PHYKPL: variants seen among roughly 807,000 people sequenced by gnomAD.
PHYKPL encodes the protein 5-phosphonooxy-L-lysine phospho-lyase.
In PHYKPL, 42 loss-of-function variants were observed where a neutral mutation model predicts 51.3. The observed-to-expected ratio is 0.82, with a 90% CI of 0.64 to 1.06. The LOEUF (loss-of-function observed/expected upper bound fraction) is 1.06. Among genes scored for constraint, PHYKPL ranks in the 50% least tolerant of loss-of-function variants. The pLI is 0.00. For missense variants in PHYKPL, 655 were observed against 586.6 expected, an observed-to-expected ratio of 1.12 and a Z score of -1.20; for synonymous variants, 264 against 236.0, an observed-to-expected ratio of 1.12 and a Z score of -1.09.
rs2127494372 is a variant in PHYKPL, at chr5:178,230,069, G to A, written c.209C>T (p.Ala70Val). The A allele has an allele frequency of 6.2e-7, 1 of 1,614,118 alleles. No individual in the cohort carries two copies. The highest frequency in any genetic ancestry group is 8.5e-7 in the Non-Finnish European group (1 of 1,180,024). Residue 70 changes from alanine to valine, a missense_variant, in exon 3 of 13, where the codon GCA becomes GTA. Transcript: ENST00000308158. ...GAGCACCTGGTTCTGCTCATGTGCTGCTTGGACCACGAGAGGGTGGCAGTG... is the reference window on the plus strand; with the variant it reads ...GAGCACCTGGTTCTGCTCATGTGCTACTTGGACCACGAGAGGGTGGCAGTG... Reference protein sequence around the residue: ...VGHCHPLVVQAAHEQNQVLNT... With the variant: ...VGHCHPLVVQVAHEQNQVLNT...
At chr5:178,215,454 T>G in intron 8 of PHYKPL, 24 bp from the exon 9 acceptor site, 1 of 1,594,914 alleles carries the variant, frequency 6.3e-7, no homozygotes, top group South Asian at 1.1e-5. Context: ...AAAGAACATG[T>G]CAGATGCCCT....
chr5:178,224,968 G>C, intron 4 of PHYKPL: 2 of 572,652 alleles, frequency 3.5e-6, no homozygotes, highest in Middle Eastern at 4.6e-4. Flanking sequence ...TGTTTTCTCT[G>C]CTGTGAAATG....
chr5:178,221,407 C>T (rs572599300), intron 8 of PHYKPL, among the ~76,000 whole-genome samples: 5 of 152,044 alleles, frequency 3.3e-5, no homozygotes, highest in Admixed American at 6.6e-5. Flanking sequence ...CTCACAGCAC[C>T]GTGAACACAC....
intron 8 of PHYKPL, among the ~76,000 whole-genome samples, chr5:178,217,378 A>T (rs1483420402): frequency 6.6e-6 from 1 of 151,912 alleles, no homozygotes; most frequent in African/African-American, 2.4e-5. Flanking sequence ...ATGCCACCAC[A>T]TCTGGCTAAT....
intron 1 of PHYKPL, chr5:178,231,861 G>A (rs1323903647): frequency 1.5e-6 from 2 of 1,334,466 alleles, no homozygotes; most frequent in East Asian, 5.0e-5. Context: ...CCATAAGGCC[G>A]CGTGTCTTCG....
At chr5:178,210,303 T>TCACCCCTC in intron 12 of PHYKPL, 4 of 1,613,510 alleles carry the variant, frequency 2.5e-6, no homozygotes, top group Non-Finnish European at 3.4e-6. Context: ...CCCCATCCGC[T>TCACCCCTC]CACCCCTCGT....
chr5:178,215,467 C>A, intron 8 of PHYKPL, 37 bp from the exon 9 acceptor site: 1 of 1,582,196 alleles, frequency 6.3e-7, no homozygotes, highest in Admixed American at 1.8e-5. Flanking sequence ...GATGCCCTGG[C>A]AGAGTGGGCC....
intron 1 of PHYKPL, chr5:178,232,288 G>A (rs896803215): frequency 2.2e-5 from 27 of 1,248,318 alleles, no homozygotes; most frequent in Non-Finnish European, 2.7e-5. Flanking sequence ...CGGCCCCGGA[G>A]ACCACCCGCC....
chr5:178,224,564 C>A lies in PHYKPL; in HGVS notation c.502G>T (p.Ala168Ser). 1 of 1,614,188 alleles carries A rather than the reference C, an allele frequency of 6.2e-7. No homozygotes were observed. The highest frequency in any genetic ancestry group is 8.5e-7 in the Non-Finnish European group (1 of 1,180,002). ...LDGQKEWVHV[A>S]PLPDTYRGPY... The stretch of plus-strand genomic sequence containing the variant: ...CCCCGGTAGGTGTCTGGGAGAGGTG[C>A]CTGTGGGGAGTGACAGCGCCATGTT... The change falls in exon 6 of 13, where the codon GCA (alanine) becomes TCA (serine). Residue 168 changes from alanine (A) to serine (S), a missense_variant and splice_region_variant. Physicochemically the swap from Ala to Ser is moderately conservative, Grantham distance 99. Transcript: ENST00000308158.
At chr5:178,212,316 G>A (rs566437510) in intron 11 of PHYKPL, among the ~76,000 whole-genome samples, 6 of 152,248 alleles carry the variant, frequency 3.9e-5, no homozygotes, top group Non-Finnish European at 5.9e-5. Context: ...AAGCATACCT[G>A]TGGGTAGCAG....
At chr5:178,218,486 C>T (rs186828434) in intron 8 of PHYKPL, among the ~76,000 whole-genome samples, 53 of 152,182 alleles carry the variant, frequency 3.5e-4, no homozygotes, top group Non-Finnish European at 6.6e-4. Context: ...TTCATGAATG[C>T]GAATATGGTT....
chr5:178,232,021 C>T, intron 1 of PHYKPL: 8 of 1,202,984 alleles, frequency 6.7e-6, no homozygotes, highest in Non-Finnish European at 8.4e-6. Context: ...CGAGGGCCCC[C>T]TCACAGGTCA....
chr5:178,232,034 T>G, intron 1 of PHYKPL: 2 of 1,197,116 alleles, frequency 1.7e-6, no homozygotes, highest in Non-Finnish European at 2.1e-6. Context: ...ACAGGTCAAG[T>G]GTGCTGCCTG....
chr5:178,217,805 C>A (rs1376209374), intron 8 of PHYKPL, among the ~76,000 whole-genome samples: 1 of 139,160 alleles, frequency 7.2e-6, no homozygotes, highest in East Asian at 2.2e-4. Flanking sequence ...TTGCAGTGAG[C>A]CGAGATCACA....
At chr5:178,208,406 T>A (rs1757210121), downstream of PHYKPL, 1 of 152,202 alleles carries the variant, frequency 6.6e-6, no homozygotes, top group Non-Finnish European at 1.5e-5. Context: ...TTTTTCTCTA[T>A]GTGCCATAAT....
intron 12 of PHYKPL, chr5:178,210,316 C>A: frequency 6.2e-7 from 1 of 1,612,994 alleles, no homozygotes; most frequent in South Asian, 1.1e-5. Context: ...CCCCTCGTCC[C>A]CAGGGGAGGC....
intron 1 of PHYKPL, 111 bp from the exon 2 acceptor site, chr5:178,231,634 A>T (rs527267666): frequency 9.0e-5 from 144 of 1,605,350 alleles, no homozygotes; most frequent in Non-Finnish European, 1.1e-4. Context: ...CGGGGGGGAA[A>T]TGAGAGCTGG....
rs767911398 is a variant in PHYKPL at position 178,229,984 on chromosome 5, C to A, written c.294G>T (p.Glu98Asp). 6.2e-7 allele frequency: 1 copy of A among 1,614,114 alleles called. No individual in the cohort carries two copies. Among genetic ancestry groups the A allele is most frequent in the Non-Finnish European group, 8.5e-7 (1 of 1,180,044 alleles). ...NIVDYAQRLS[E>D]TLPEQLCVFY... is the part of the protein sequence containing the mutation. ...ACACACAGAGCTGCTCCGGCAGGGTCTCTGACAGCCTCTGCGCATAGTCCA... is the reference window on the plus strand; with the variant it reads ...ACACACAGAGCTGCTCCGGCAGGGTATCTGACAGCCTCTGCGCATAGTCCA... Residue 98 changes from glutamate to aspartate, a missense_variant, in exon 3 of 13, where the codon GAG becomes GAT. Coordinates refer to ENST00000308158, the MANE Select transcript of PHYKPL (RefSeq NM_153373.4).
At chr5:178,210,578 G>A (rs1314725369) in intron 12 of PHYKPL, 1 of 1,614,084 alleles carries the variant, frequency 6.2e-7, no homozygotes, top group African/African-American at 1.3e-5. Flanking sequence ...ACTACGGCAA[G>A]AGCCAGCGAC....
Sources: gnomAD v4.1 joint callset for allele counts (sites outside exome capture counted in the v4.1 genomes callset) on GRCh38, gnomAD v4.1.1 for gene constraint, MANE v1.5 for transcripts, NCBI Gene and HGNC (gene_info 2026-07-23, HGNC 2026-07-21) for gene names.